ADGRL3: variants seen among roughly 807,000 people sequenced by gnomAD.
ADGRL3 encodes calcium-independent alpha-latrotoxin receptor 3.
ADGRL3 carries 62 observed loss-of-function variants against 153.5 expected under a neutral mutation model. The ratio of observed to expected loss-of-function variants is 0.40; its 90% confidence interval spans 0.33 to 0.50. The LOEUF (loss-of-function observed/expected upper bound fraction) is 0.50, where lower values mean the gene tolerates loss of function less well. ADGRL3 is among the 20% of genes least tolerant of loss of function. The pLI is 0.47. For synonymous variants in ADGRL3, 710 were observed against 672.5 expected (o/e 1.06, Z -0.86); for missense variants, 1,641 against 1,859.4 (o/e 0.88, Z 2.16).
intron 1 of ADGRL3, among the ~76,000 whole-genome samples, chr4:61,214,894 C>T (rs1223103859): frequency 1.3e-5 from 2 of 151,936 alleles, no homozygotes; most frequent in East Asian, 1.9e-4. Flanking sequence ...GTCATCATCA[C>T]GCCACGGCAC....
At chr4:61,388,792 C>CT (rs1182529590) in intron 2 of ADGRL3, among the ~76,000 whole-genome samples, 2 of 152,140 alleles carry the variant, frequency 1.3e-5, no homozygotes, top group African/African-American at 4.8e-5. Context: ...GAGTGTGGGC[C>CT]TTTCTACCTA....
intron 2 of ADGRL3, among the ~76,000 whole-genome samples, chr4:61,495,893 C>A (rs1176644844): frequency 6.6e-6 from 1 of 152,062 alleles, no homozygotes; most frequent in African/African-American, 2.4e-5. Context: ...GAATGATGTT[C>A]GAACTGCATT....
At chr4:61,659,193 A>G (rs1401310353) in intron 5 of ADGRL3, among the ~76,000 whole-genome samples, 1 of 152,172 alleles carries the variant, frequency 6.6e-6, no homozygotes, top group African/African-American at 2.4e-5. Flanking sequence ...GGCCTACCCT[A>G]TTCCAGTATG....
At chr4:61,204,151 A>G (rs1736084878) in intron 1 of ADGRL3, among the ~76,000 whole-genome samples, 2 of 152,208 alleles carry the variant, frequency 1.3e-5, no homozygotes, top group Admixed American at 1.3e-4. Context: ...TTTAGGTACA[A>G]TAATTTCTGG....
chr4:61,514,123 G>T (rs1405728937), intron 3 of ADGRL3, among the ~76,000 whole-genome samples: 2 of 152,198 alleles, frequency 1.3e-5, no homozygotes, highest in Non-Finnish European at 2.9e-5. Context: ...ATTTGAGTTG[G>T]TTTTGTAGCC....
intron 1 of ADGRL3, among the ~76,000 whole-genome samples, chr4:61,340,814 A>ATG (rs1215590356): frequency 6.6e-6 from 1 of 150,890 alleles, no homozygotes; most frequent in East Asian, 2.0e-4. Flanking sequence ...TTATATATTT[A>ATG]TGTGTGTGTG....
Position 61,974,264 on chromosome 4 carries a change from T to A in ADGRL3, c.2806-5299T>A, listed in dbSNP as rs1297568018. Reference sequence around the variant, plus strand: ...GATTATAGGAATGAGCCACCATTCCTGGCCACTATAGGCATTTTTATAGCC... The same window carrying A: ...GATTATAGGAATGAGCCACCATTCCAGGCCACTATAGGCATTTTTATAGCC... On this transcript the variant is annotated intron_variant, in intron 17 of 26. Coordinates refer to ENST00000683033, the MANE Select transcript of ADGRL3 (RefSeq NM_001387552.1). Among the ~76,000 whole-genome samples the A allele has an allele frequency of 3.3e-5, 5 of 152,204 alleles. No individual in the cohort carries two copies. In the East Asian group the frequency reaches 9.6e-4, roughly 29 times the overall value.
At chr4:61,297,878 T>C (rs2094463399) in intron 1 of ADGRL3, among the ~76,000 whole-genome samples, 1 of 152,080 alleles carries the variant, frequency 6.6e-6, no homozygotes, top group Non-Finnish European at 1.5e-5. Flanking sequence ...CTACTACTAC[T>C]GACCACTATT....
chr4:61,650,614 G>T (rs374681217), intron 5 of ADGRL3, among the ~76,000 whole-genome samples: 1 of 151,872 alleles, frequency 6.6e-6, no homozygotes, highest in South Asian at 2.1e-4. Context: ...TATTTTCTGG[G>T]TTCTTTTCCT....
At chr4:61,826,823 G>T (rs1320089176) in intron 9 of ADGRL3, among the ~76,000 whole-genome samples, 3 of 151,932 alleles carry the variant, frequency 2.0e-5, no homozygotes, top group Non-Finnish European at 2.9e-5. Flanking sequence ...TGTAAATGAT[G>T]AGTTAATGGG....
At chr4:61,845,937 T>C (rs1197039871) in intron 9 of ADGRL3, among the ~76,000 whole-genome samples, 7 of 152,294 alleles carry the variant, frequency 4.6e-5, no homozygotes, top group South Asian at 4.1e-4. Flanking sequence ...TTTAGTAGAA[T>C]TTTATACCAT....
intron 11 of ADGRL3, among the ~76,000 whole-genome samples, chr4:61,907,410 CA>C (rs1180134202): frequency 6.6e-6 from 1 of 151,960 alleles, no homozygotes; most frequent in Non-Finnish European, 1.5e-5. Flanking sequence ...AGGCATGCGC[CA>C]CCATGCCCAG....
chr4:61,742,167 T>G (rs1259270704), intron 8 of ADGRL3, among the ~76,000 whole-genome samples: 3 of 152,218 alleles, frequency 2.0e-5, no homozygotes, highest in African/African-American at 7.2e-5. Context: ...TTAGCACAGA[T>G]AAGTGAGAGT....
At chr4:61,873,155 G>A (rs1324120899) in intron 9 of ADGRL3, among the ~76,000 whole-genome samples, 3 of 152,164 alleles carry the variant, frequency 2.0e-5, no homozygotes, top group Admixed American at 6.5e-5. Flanking sequence ...ATCATCAAAT[G>A]GAGTGTCAAT....
At position 61,284,616 on chromosome 4, in the gene ADGRL3, G is replaced by GT. The variant is rs1309113049; in HGVS notation, c.-240+82857dup. Among the ~76,000 whole-genome samples, 4 of 151,934 alleles carry GT rather than the reference G, an allele frequency of 2.6e-5. No individual in the cohort carries two copies. The East Asian group carries it at 7.7e-4, about 29-fold the overall frequency. ...TTTTCTGTGTAAATGTATGTAGAGA[G>GT]TTTTTTATTACTAAATACATTTAAT... is the stretch of plus-strand genomic sequence containing the variant. On this transcript the variant is annotated intron_variant, in intron 1 of 26. Coordinates refer to ENST00000683033, the MANE Select transcript of ADGRL3 (RefSeq NM_001387552.1).
chr4:61,692,092 A>T (rs79073052), intron 6 of ADGRL3, among the ~76,000 whole-genome samples: 2,845 of 152,260 alleles, frequency 0.019, 75 homozygotes, highest in South Asian at 0.061. Flanking sequence ...AAAGGAAGAG[A>T]AATTGCTAGA....
At chr4:61,779,659 A>AAGGG (rs1554029695) in intron 8 of ADGRL3, among the ~76,000 whole-genome samples, 1 of 150,628 alleles carries the variant, frequency 6.6e-6, no homozygotes, top group Non-Finnish European at 1.5e-5. Flanking sequence ...AAAAAAAAAA[A>AAGGG]AGGGAGAGAA....
Position 62,074,384 on chromosome 4 carries a change from G to A in ADGRL3, c.*3476G>A, listed in dbSNP as rs1456470961. ...TCTAGTTCACATGACACTTTATCAG[G>A]GACACTAGCTAATGGACCTCATGTT... On this transcript the variant is annotated 3_prime_UTR_variant, in exon 27 of 27. Transcript: ENST00000683033. The A allele has an allele frequency of 6.6e-6, 1 of 151,926 alleles. No homozygotes were observed. Among genetic ancestry groups the A allele is most frequent in the Non-Finnish European group, 1.5e-5 (1 of 67,970 alleles). The allele number at this position is 151,926 out of a possible 1,614,324, so 9.4% of individuals were successfully genotyped here.
chr4:61,441,334 A>G (rs960455177), intron 2 of ADGRL3, among the ~76,000 whole-genome samples: 1 of 152,168 alleles, frequency 6.6e-6, no homozygotes, highest in Non-Finnish European at 1.5e-5. Context: ...TTTCATAAAA[A>G]TAATTATAGA....
Sources: gnomAD v4.1 joint callset for allele counts (sites outside exome capture counted in the v4.1 genomes callset) on GRCh38, gnomAD v4.1.1 for gene constraint, MANE v1.5 for transcripts, NCBI Gene and HGNC (gene_info 2026-07-23, HGNC 2026-07-21) for gene names.